SDC3: variants seen among roughly 807,000 people sequenced by gnomAD.
SDC3 encodes syndecan 3.
In SDC3, 13 loss-of-function variants were observed where a neutral mutation model predicts 24.4. The observed-to-expected ratio is 0.53, with a 90% confidence interval of 0.35 to 0.85. The LOEUF (loss-of-function observed/expected upper bound fraction) is 0.85, where lower values mean the gene tolerates loss of function less well. Among genes scored for constraint, SDC3 ranks in the 40% least tolerant of loss-of-function variants. The pLI is 0.01. For synonymous variants in SDC3, 295 were observed against 260.9 expected (o/e 1.13, Z -1.26); for missense variants, 571 against 584.5 (o/e 0.98, Z 0.24).
chr1:30,874,639 C>A, intron 3 of SDC3, 51 bp from the exon 4 acceptor site: 1 of 1,547,772 alleles, frequency 6.5e-7, no homozygotes, highest in South Asian at 1.2e-5. Flanking sequence ...CATGCATAAC[C>A]CCCCACCACC....
chr1:30,887,670 A>G (rs141778937), intron 1 of SDC3, among the ~76,000 whole-genome samples: 6 of 152,050 alleles, frequency 3.9e-5, no homozygotes, highest in Non-Finnish European at 7.4e-5. Context: ...TCCCCCTCCA[A>G]TTGCTCCTGG....
intron 1 of SDC3, among the ~76,000 whole-genome samples, chr1:30,880,399 A>G (rs552121168): frequency 2.1e-4 from 32 of 151,510 alleles, no homozygotes; most frequent in African/African-American, 7.8e-4. Context: ...GGTACGAGAG[A>G]AGGAGAGAAG....
Position 30,891,087 on chromosome 1 carries a change from G to A in SDC3, c.139-12347C>T, listed in dbSNP as rs1397524773. Among the ~76,000 whole-genome samples the A allele has an allele frequency of 9.2e-5, 14 of 152,178 alleles. No individual in the cohort carries two copies. The East Asian group carries it at 1.9e-3, about 21-fold the overall frequency. Reference sequence around the variant, plus strand: ...TCCAGCTGCAGCCCTCAGTGGTTCCGGATGCCCCACCCCACCCTTTGACCA... The same window carrying A: ...TCCAGCTGCAGCCCTCAGTGGTTCCAGATGCCCCACCCCACCCTTTGACCA... On this transcript the variant is annotated intron_variant, in intron 1 of 4. Transcript: ENST00000339394.
At chr1:30,894,352 G>A (rs1190526107) in intron 1 of SDC3, among the ~76,000 whole-genome samples, 1 of 81,538 alleles carries the variant, frequency 1.2e-5, no homozygotes, top group Non-Finnish European at 2.5e-5. Flanking sequence ...GTGTGTGGAT[G>A]AGTGTGTGTG....
intron 1 of SDC3, among the ~76,000 whole-genome samples, chr1:30,893,908 T>C (rs900304171): frequency 1.3e-5 from 2 of 152,104 alleles, no homozygotes; most frequent in Non-Finnish European, 2.9e-5. Context: ...GGTTTTTTAG[T>C]GCAGGGTGCG....
chr1:30,877,427 C>T (rs1480168212), intron 2 of SDC3: 2 of 604,790 alleles, frequency 3.3e-6, no homozygotes, highest in Non-Finnish European at 6.0e-6. Flanking sequence ...TATTCCTGCC[C>T]ACCCAGCCTA....
intron 1 of SDC3, among the ~76,000 whole-genome samples, chr1:30,902,866 A>G (rs1638443110): frequency 6.6e-6 from 1 of 152,210 alleles, no homozygotes; most frequent in Non-Finnish European, 1.5e-5. Context: ...CAACCCACCT[A>G]CACAGGAAAG....
intron 1 of SDC3, among the ~76,000 whole-genome samples, chr1:30,893,159 G>T (rs1639930450): frequency 6.6e-6 from 1 of 152,142 alleles, no homozygotes; most frequent in Non-Finnish European, 1.5e-5. Flanking sequence ...GGTGGGGAAG[G>T]TGCAGGGTCA....
At chr1:30,889,126 C>T (rs576376342) in intron 1 of SDC3, among the ~76,000 whole-genome samples, 8 of 152,358 alleles carry the variant, frequency 5.3e-5, no homozygotes, top group Admixed American at 1.3e-4. Flanking sequence ...ACTTCACCAG[C>T]TACGCGACTC....
chr1:30,873,208 C>G lies in SDC3; in HGVS notation c.*3G>C, dbSNP rs759986082. 1.3e-5 allele frequency: 21 copies of G among 1,611,184 alleles called. No homozygotes were observed. The Middle Eastern group carries it at 5.0e-4, about 38-fold the overall frequency. On this transcript the variant is annotated 3_prime_UTR_variant, in exon 5 of 5. Transcript: ENST00000339394. ...GAGGCTGCAGGGAGGCACTGTGGCT[C>G]CACTAGGCATAGAACTCCTCCTGCT...
intron 1 of SDC3, among the ~76,000 whole-genome samples, chr1:30,893,303 G>GCCCCCCCCCCCCCCC (rs59392837): frequency 7.4e-5 from 1 of 13,522 alleles, no homozygotes; most frequent in Non-Finnish European, 1.4e-4. Context: ...CCCACCAGGA[G>GCCCCCCCCCCCCCCC]CCCCCCCCCC....
intron 1 of SDC3, among the ~76,000 whole-genome samples, chr1:30,905,647 A>G (rs143959324): frequency 2.0e-5 from 3 of 152,172 alleles, no homozygotes; most frequent in Admixed American, 6.5e-5. Context: ...GGAGTATTCA[A>G]ACAAGACTAA....
intron 1 of SDC3, among the ~76,000 whole-genome samples, chr1:30,884,282 C>A (rs558317174): frequency 1.3e-5 from 2 of 151,954 alleles, no homozygotes; most frequent in Non-Finnish European, 2.9e-5. Context: ...CAGACCCCCC[C>A]CAAGAAAAAT....
intron 1 of SDC3, among the ~76,000 whole-genome samples, chr1:30,893,918 G>A (rs545925602): frequency 2.4e-4 from 36 of 152,126 alleles, no homozygotes; most frequent in South Asian, 2.1e-4. Context: ...TGCAGGGTGC[G>A]GGGGAGTGAG....
At chr1:30,899,162 C>G (rs1638351610) in intron 1 of SDC3, among the ~76,000 whole-genome samples, 1 of 152,240 alleles carries the variant, frequency 6.6e-6, no homozygotes, top group Admixed American at 6.5e-5. Flanking sequence ...TCTCAGTTCA[C>G]TGCAACCTCC....
chr1:30,909,021 C>T (rs1409136271), upstream of SDC3, among the ~76,000 whole-genome samples: 2 of 152,082 alleles, frequency 1.3e-5, no homozygotes, highest in African/African-American at 2.4e-5. Context: ...GACGCACCTC[C>T]GCGGCCGCCG....
At chr1:30,899,042 T>G (rs560261834) in intron 1 of SDC3, among the ~76,000 whole-genome samples, 1 of 152,364 alleles carries the variant, frequency 6.6e-6, no homozygotes, top group Non-Finnish European at 1.5e-5. Flanking sequence ...AAGAGGAGAC[T>G]AAGGCTGAGT....
intron 1 of SDC3, among the ~76,000 whole-genome samples, 194 bp downstream of exon 1, chr1:30,908,255 G>A (rs1437337116): frequency 6.7e-6 from 1 of 150,088 alleles, no homozygotes; most frequent in Non-Finnish European, 1.5e-5. Context: ...GGGAGATTCC[G>A]GAGGGGGGGG....
rs563401455 is a variant in SDC3, at chr1:30,902,892, C to A, written c.138+5557G>T. Among the ~76,000 whole-genome samples, 8 of 152,380 alleles carry A rather than the reference C, an allele frequency of 5.3e-5. No individual in the cohort carries two copies. In the South Asian group the frequency reaches 1.7e-3, roughly 32 times the overall value. ...CACAGGAAAGGACACAAGCCCCTGCCTGGGCTCCATAGCTCACAGTCCCGG... is the reference window on the plus strand; with the variant it reads ...CACAGGAAAGGACACAAGCCCCTGCATGGGCTCCATAGCTCACAGTCCCGG... On this transcript the variant is annotated intron_variant, in intron 1 of 4. Transcript: ENST00000339394.
Sources: allele counts gnomAD v4.1 joint callset (sites outside exome capture counted in the v4.1 genomes callset), GRCh38; gene constraint gnomAD v4.1.1; transcripts MANE v1.5; gene names NCBI Gene and HGNC (gene_info 2026-07-23, HGNC 2026-07-21).